Variants in ECI1 observed in about 807,000 individuals in gnomAD.
ECI1 encodes enoyl-CoA delta isomerase 1, also known as enoyl-CoA delta isomerase 1, mitochondrial.
In ECI1, 34 loss-of-function variants were observed where a neutral mutation model predicts 34.2. That is an observed-to-expected ratio of 1.00 (90% confidence interval 0.76 to 1.33). The LOEUF is 1.33. ECI1 is among the 40% of genes most tolerant of loss of function. The pLI, the probability that ECI1 is intolerant of heterozygous loss-of-function variation, is 0.00. For missense variants in ECI1, 456 were observed against 422.2 expected (o/e 1.08, Z -0.70); for synonymous variants, 211 against 193.0 (o/e 1.09, Z -0.77).
chr16:2,244,129 C>A (rs1056755934), intron 4 of ECI1: 10 of 531,886 alleles, frequency 1.9e-5, no homozygotes, highest in Non-Finnish European at 3.1e-5. Flanking sequence ...ACCCACACAG[C>A]CTCCACCCAG....
chr16:2,242,730 A>C (rs933518797), intron 6 of ECI1: 31 of 451,834 alleles, frequency 6.9e-5, no homozygotes, highest in South Asian at 6.6e-4. Flanking sequence ...GATTAGAGCG[A>C]GGCGCCCACA....
intron 6 of ECI1, chr16:2,241,166 A>AAATT (rs1596783059): frequency 7.3e-6 from 1 of 137,286 alleles, no homozygotes; most frequent in East Asian, 2.2e-4. Context: ...AAAAATAAAT[A>AAATT]AAATAAAAAT....
At position 2,246,207 on chromosome 16, in the gene ECI1, G is replaced by A. The variant is rs1030029071; in HGVS notation, c.294+652C>T. On this transcript the variant is annotated intron_variant, in intron 3 of 6. Coordinates refer to ENST00000301729, the MANE Select transcript of ECI1 (RefSeq NM_001919.4). ...CGTTCCCACAGATGACACGCCTAGC[G>A]TTCGCCAGCACTCAGGCAACATTTA... is the stretch of plus-strand genomic sequence containing the variant. Among the ~76,000 whole-genome samples the A allele has an allele frequency of 3.9e-5, 6 of 152,306 alleles. No individual in the cohort carries two copies. In the South Asian group the frequency reaches 6.2e-4, roughly 16 times the overall value.
chr16:2,247,157 C>T (rs765748799), intron 2 of ECI1, among the ~76,000 whole-genome samples, 171 bp from the exon 3 acceptor site: 2 of 152,128 alleles, frequency 1.3e-5, no homozygotes, highest in African/African-American at 2.4e-5. Flanking sequence ...AGTGCAGTGG[C>T]GCGATCTCAG....
At chr16:2,250,172 T>C (rs1160215716) in intron 2 of ECI1, among the ~76,000 whole-genome samples, 1 of 138,804 alleles carries the variant, frequency 7.2e-6, no homozygotes, top group Non-Finnish European at 1.5e-5. Context: ...GGAGGGAGAA[T>C]CGCTTGAACC....
chr16:2,246,161 C>G (rs1299341517), intron 3 of ECI1, among the ~76,000 whole-genome samples: 3 of 152,188 alleles, frequency 2.0e-5, no homozygotes, highest in Non-Finnish European at 4.4e-5. Context: ...TACTGCCCCT[C>G]GGCGATGTTG....
chr16:2,244,928 A>G (rs1264869044), intron 3 of ECI1, among the ~76,000 whole-genome samples: 2 of 152,182 alleles, frequency 1.3e-5, no homozygotes, highest in South Asian at 2.1e-4. Context: ...CACGTTCTGA[A>G]TCATTTACCC....
intron 2 of ECI1, among the ~76,000 whole-genome samples, 171 bp downstream of exon 2, chr16:2,251,145 T>C (rs2093552321): frequency 6.6e-6 from 1 of 152,184 alleles, no homozygotes; most frequent in African/African-American, 2.4e-5. Context: ...AACAGAAACT[T>C]TTATCTCATG....
At chr16:2,247,810 G>A (rs980586652) in intron 2 of ECI1, among the ~76,000 whole-genome samples, 1 of 152,076 alleles carries the variant, frequency 6.6e-6, no homozygotes, top group African/African-American at 2.4e-5. Flanking sequence ...GGGCTCCAGC[G>A]ATCCTCCCAA....
At chr16:2,248,602 C>T (rs898581422) in intron 2 of ECI1, among the ~76,000 whole-genome samples, 20 of 151,312 alleles carry the variant, frequency 1.3e-4, no homozygotes, top group African/African-American at 4.1e-4. Flanking sequence ...TTAGTAGAGA[C>T]GGGGTTTCAC....
chr16:2,250,226 T>G (rs2093550011), intron 2 of ECI1, among the ~76,000 whole-genome samples: 1 of 119,458 alleles, frequency 8.4e-6, no homozygotes, highest in Non-Finnish European at 1.6e-5. Flanking sequence ...GCCACTGCAC[T>G]CCAGTCTGGC....
intron 2 of ECI1, among the ~76,000 whole-genome samples, chr16:2,249,212 A>AT (rs959444127): frequency 2.7e-5 from 4 of 150,570 alleles, no homozygotes; most frequent in Admixed American, 6.6e-5. Context: ...CGCCCGGCTA[A>AT]TTTTTTTTTG....
chr16:2,243,515 G>T, intron 4 of ECI1, 76 bp from the exon 5 acceptor site: 1 of 1,578,486 alleles, frequency 6.3e-7, no homozygotes, highest in Non-Finnish European at 8.6e-7. Context: ...GTCCAAGGAA[G>T]GAGGGCCTGT....
At chr16:2,247,344 G>C (rs12929363) in intron 2 of ECI1, among the ~76,000 whole-genome samples, 16,629 of 152,164 alleles carry the variant, frequency 0.11, 1,176 homozygotes, top group Middle Eastern at 0.16. Context: ...ATCTGCCCAC[G>C]TCGGCCTCCC....
chr16:2,240,733 G>T (rs1279817652), intron 6 of ECI1: 2 of 152,930 alleles, frequency 1.3e-5, no homozygotes, highest in Admixed American at 1.3e-4. Context: ...GTCTGTCTCT[G>T]CCACCCAGGC....
At chr16:2,247,097 T>A (rs2093542242) in intron 2 of ECI1, 111 bp from the exon 3 acceptor site, 12 of 1,318,300 alleles carry the variant, frequency 9.1e-6, no homozygotes, top group Non-Finnish European at 1.2e-5. Context: ...GGGTTTTATT[T>A]ATTAATTTAT....
rs138261940 is a variant in ECI1, at chr16:2,239,883, C to T, written c.*96G>A. On this transcript the variant is annotated 3_prime_UTR_variant, in exon 7 of 7. Transcript: ENST00000301729. ...TCTACGTAACATCAGCAAAATGAAACGCTGGCAGTACTTTTAAGTTGAAAA... is the reference window on the plus strand; with the variant it reads ...TCTACGTAACATCAGCAAAATGAAATGCTGGCAGTACTTTTAAGTTGAAAA... The T allele has an allele frequency of 3.9e-4, 528 of 1,338,248 alleles. 4 individuals are homozygous for T. The African/African-American group carries it at 5.4e-3, about 14-fold the overall frequency. The allele number at this position is 1,338,248 out of a possible 1,614,324, so 82.9% of individuals were successfully genotyped here. A position where few individuals can be genotyped will look rare whatever the true frequency, so the allele number is the denominator to read the frequency against.
At position 2,243,115 on chromosome 16, in the gene ECI1, G is replaced by C; in HGVS notation, c.673C>G (p.Gln225Glu). The stretch of plus-strand genomic sequence containing the variant: ...TGCACCTGCTCCTCCGGGACCACCT[G>C]GTCCACTATGCCCACCTGCAGGGCC... ...AEALQVGIVD[Q>E]VVPEEQVQST... The change falls in exon 6 of 7, where the codon CAG becomes GAG. Residue 225 changes from glutamine (Q) to glutamate (E), a missense_variant. Physicochemically the swap from Gln to Glu is conservative, Grantham distance 29. Transcript: ENST00000301729. 6.2e-7 allele frequency: 1 copy of C among 1,606,176 alleles called. No homozygotes were observed. Among genetic ancestry groups the C allele is most frequent in the Non-Finnish European group, 8.5e-7 (1 of 1,179,802 alleles).
Position 2,243,264 on chromosome 16 carries a change from G to C in ECI1, c.564-40C>G, listed in dbSNP as rs528342758. On this transcript the variant is annotated intron_variant, in intron 5 of 6. Transcript: ENST00000301729. ...ACCCACTCACCACATGGCCCCAGGC[G>C]GGTCTGTTCCCTCCACAACAAGCAT... 52 of 1,613,166 alleles carry C rather than the reference G, an allele frequency of 3.2e-5. 1 individual carries two copies. In the South Asian group the frequency reaches 5.2e-4, roughly 16 times the overall value.
Sources: allele counts gnomAD v4.1 joint callset (sites outside exome capture counted in the v4.1 genomes callset), GRCh38; gene constraint gnomAD v4.1.1; transcripts MANE v1.5; gene names NCBI Gene and HGNC (gene_info 2026-07-23, HGNC 2026-07-21).